Variants in TBC1D15 observed in about 807,000 individuals in gnomAD.
TBC1D15 encodes the protein TBC1 domain family member 15.
In TBC1D15, 39 loss-of-function variants were observed where a neutral mutation model predicts 95.4. The observed-to-expected ratio is 0.41, with a 90% confidence interval of 0.32 to 0.53. The LOEUF is 0.53. Ranked by LOEUF, TBC1D15 falls within the 20% of genes least tolerant of loss-of-function variation. The pLI is 0.29. For synonymous variants in TBC1D15, 258 were observed against 261.3 expected (o/e 0.99, Z 0.12); for missense variants, 733 against 794.3 (o/e 0.92, Z 0.93).
Position 71,916,061 on chromosome 12 carries a change from A to G in TBC1D15, c.1402-1637A>G, listed in dbSNP as rs185286288. ...GTAGGTCTAGGCATAGACTTTGTCT[A>G]TTATCATGGAAATACAAAGTACAAG... On this transcript the variant is annotated intron_variant, in intron 12 of 16. Coordinates refer to ENST00000485960, the MANE Select transcript of TBC1D15 (RefSeq NM_001146213.3). 5.7e-4 allele frequency among the ~76,000 whole-genome samples: 87 copies of G among 152,278 alleles called. 1 individual carries two copies. The highest frequency in any genetic ancestry group is 2.0e-3 in the African/African-American group (82 of 41,576).
At chr12:71,914,687 G>A (rs1903257080) in intron 12 of TBC1D15, among the ~76,000 whole-genome samples, 1 of 151,958 alleles carries the variant, frequency 6.6e-6, no homozygotes. Context: ...ACTGGATGCT[G>A]GGCCTTTATG....
At chr12:71,869,097 C>G (rs140977536) in intron 1 of TBC1D15, among the ~76,000 whole-genome samples, 63 of 152,216 alleles carry the variant, frequency 4.1e-4, no homozygotes, top group African/African-American at 1.1e-3. Flanking sequence ...CACATAGTTA[C>G]TTTTTTGTGA....
intron 5 of TBC1D15, among the ~76,000 whole-genome samples, chr12:71,889,292 A>G (rs1388668802): frequency 2.6e-5 from 4 of 152,206 alleles, no homozygotes; most frequent in South Asian, 2.1e-4. Flanking sequence ...CTGTTCTTCT[A>G]ATATCAGCCA....
chr12:71,846,749 A>ATAC (rs2137837316), intron 1 of TBC1D15, among the ~76,000 whole-genome samples: 1 of 137,094 alleles, frequency 7.3e-6, no homozygotes, highest in East Asian at 2.2e-4. Context: ...ATTATTTTTT[A>ATAC]TACAGCTTTT....
At position 71,880,510 on chromosome 12, in the gene TBC1D15, AAG is replaced by A. The variant is rs759751106; in HGVS notation, c.249_250del (p.Gly84SerfsTer18). On this transcript the variant is annotated frameshift_variant, in exon 4 of 17. Coordinates refer to ENST00000485960, the MANE Select transcript of TBC1D15 (RefSeq NM_001146213.3). LOFTEE classifies it high-confidence loss of function. ...VVEWTQAPKERGHRGSEHLNS... is the reference protein window; with the variant it reads ...VVEWTQAPKEXGHRGSEHLNS... ...TAGAATGGACTCAGGCCCCAAAAGA[AAG>A]AGGTCATCGAGGATCAGAACATCTG... The A allele has an allele frequency of 6.2e-7, 1 of 1,611,758 alleles. No homozygotes were observed. The highest frequency in any genetic ancestry group is 8.5e-7 in the Non-Finnish European group (1 of 1,178,576).
At chr12:71,880,644 G>T in intron 4 of TBC1D15, 37 bp downstream of exon 4, 1 of 1,575,888 alleles carries the variant, frequency 6.3e-7, no homozygotes, top group Non-Finnish European at 8.6e-7. Context: ...AAACTGATTT[G>T]CTACAGTATA....
Position 71,923,067 on chromosome 12 carries a change from A to C in TBC1D15, c.1888A>C (p.Asn630His), listed in dbSNP as rs1301054821. Residue 630 changes from asparagine to histidine, a missense_variant, in exon 17 of 17, where the codon AAT becomes CAT. Coordinates refer to ENST00000485960, the MANE Select transcript of TBC1D15 (RefSeq NM_001146213.3). The stretch of plus-strand genomic sequence containing the variant: ...AGATTCAGACGTTGGTGAAGACGAA[A>C]ATGTTGTCATGACTCCTTGTCCTAC... ...TPDSDVGEDE[N>H]VVMTPCPTSA... 1 of 1,614,080 alleles carries C rather than the reference A, an allele frequency of 6.2e-7. No homozygotes were observed. Among genetic ancestry groups the C allele is most frequent in the Non-Finnish European group, 8.5e-7 (1 of 1,180,034 alleles).
At chr12:71,868,092 C>T (rs76023401) in intron 1 of TBC1D15, among the ~76,000 whole-genome samples, 8,827 of 152,130 alleles carry the variant, frequency 0.058, 358 homozygotes, top group South Asian at 0.15. Flanking sequence ...TAACATCACA[C>T]CCTTCAAAAT....
Position 71,903,751 on chromosome 12 carries a change from T to A in TBC1D15, c.1184-3271T>A, listed in dbSNP as rs189316402. ...CTGGAGGCCATACTCCTAAGTGAAT[T>A]AATGCAGAAAACCAATACCACATGT... On this transcript the variant is annotated intron_variant, in intron 10 of 16. Transcript: ENST00000485960. Among the ~76,000 whole-genome samples the A allele has an allele frequency of 4.6e-5, 7 of 152,286 alleles. No homozygotes were observed. In the East Asian group the frequency reaches 1.4e-3, roughly 29 times the overall value.
intron 10 of TBC1D15, among the ~76,000 whole-genome samples, chr12:71,901,165 C>G (rs1039551131): frequency 9.9e-5 from 15 of 152,096 alleles, no homozygotes; most frequent in African/African-American, 3.6e-4. Context: ...GGGCTGCATG[C>G]ACGCACCATC....
At chr12:71,919,314 A>G (rs1408971032) in intron 14 of TBC1D15, among the ~76,000 whole-genome samples, 1 of 151,572 alleles carries the variant, frequency 6.6e-6, no homozygotes, top group Non-Finnish European at 1.5e-5. Context: ...AGCTGGGACT[A>G]CAGGTCTACA....
At chr12:71,919,103 T>A (rs1246658516) in intron 14 of TBC1D15, among the ~76,000 whole-genome samples, 1 of 152,012 alleles carries the variant, frequency 6.6e-6, no homozygotes, top group Non-Finnish European at 1.5e-5. Context: ...CATCCCCCCA[T>A]GTGTAATCCC....
intron 1 of TBC1D15, among the ~76,000 whole-genome samples, chr12:71,848,085 G>A (rs1333800814): frequency 6.6e-6 from 1 of 152,158 alleles, no homozygotes; most frequent in Non-Finnish European, 1.5e-5. Flanking sequence ...CAACAAGAGC[G>A]AAACTCTGTC....
In TBC1D15 at chr12:71,893,266, A is replaced by G; in HGVS notation, c.599A>G (p.Lys200Arg). 4.3e-6 allele frequency: 7 copies of G among 1,609,812 alleles called. No individual in the cohort carries two copies. The highest frequency in any genetic ancestry group is 5.1e-6 in the Non-Finnish European group (6 of 1,177,968). Residue 200 changes from lysine to arginine, a missense_variant, in exon 6 of 17, where the codon AAG (lysine) becomes AGG (arginine). Lys to Arg is a conservative substitution (Grantham distance 26). Transcript: ENST00000485960. ...ACACTTCTTGTGAATTGTCAGAATA[A>G]GAGTCTTTCACAGTCTTTTGAAAAT... The part of the protein sequence containing the change: ...KRTLLVNCQN[K>R]SLSQSFENLL...
Position 71,846,797 on chromosome 12 carries a change from C to T in TBC1D15, c.30+6986C>T, listed in dbSNP as rs536903303. Among the ~76,000 whole-genome samples, 8 of 144,092 alleles carry T rather than the reference C, an allele frequency of 5.6e-5. No individual in the cohort carries two copies. The South Asian group carries it at 6.7e-4, about 12-fold the overall frequency. 94.5% of individuals were successfully genotyped at this position (144,092 alleles called of 152,430 possible). A position where few individuals can be genotyped will look rare whatever the true frequency, so the allele number is the denominator to read the frequency against. On this transcript the variant is annotated intron_variant, in intron 1 of 16. Coordinates refer to ENST00000485960, the MANE Select transcript of TBC1D15 (RefSeq NM_001146213.3). ...TTTGCCCTGAGACATGGCCTTGGTC[C>T]GTGGCCCAGGCTAGAGTGTAGTGTG... is the stretch of plus-strand genomic sequence containing the variant.
chr12:71,880,703 A>T, intron 4 of TBC1D15, 96 bp downstream of exon 4: 1 of 1,324,110 alleles, frequency 7.6e-7, no homozygotes, highest in Non-Finnish European at 1.0e-6. Flanking sequence ...CTCAGTGAGA[A>T]GGATGATTAA....
intron 10 of TBC1D15, among the ~76,000 whole-genome samples, chr12:71,899,220 G>T (rs1201189902): frequency 6.6e-6 from 1 of 152,088 alleles, no homozygotes. Context: ...GTCCTTTTCT[G>T]ATCCTTTCCA....
At chr12:71,853,564 A>C (rs887253242) in intron 1 of TBC1D15, among the ~76,000 whole-genome samples, 1 of 152,172 alleles carries the variant, frequency 6.6e-6, no homozygotes, top group Non-Finnish European at 1.5e-5. Context: ...GTAATTGATT[A>C]CTTTTTTTGT....
At chr12:71,882,502 T>TA (rs1287947111) in intron 4 of TBC1D15, among the ~76,000 whole-genome samples, 1 of 152,216 alleles carries the variant, frequency 6.6e-6, no homozygotes, top group Non-Finnish European at 1.5e-5. Context: ...GTGTTGGAGA[T>TA]AGTTTTTACA....
Sources: allele counts gnomAD v4.1 joint callset (sites outside exome capture counted in the v4.1 genomes callset), GRCh38; gene constraint gnomAD v4.1.1; transcripts MANE v1.5; gene names NCBI Gene and HGNC (gene_info 2026-07-23, HGNC 2026-07-21).